The following TG variants were observed in gnomAD, a reference collection of about 807,000 sequenced individuals.
TG encodes the protein thyroglobulin, also known as thyroid hormones.
In TG, 270 loss-of-function variants were observed where a neutral mutation model predicts 324.7. That is an observed-to-expected ratio of 0.83 (90% CI 0.75 to 0.92). The LOEUF is 0.92. TG is among the 40% of genes least tolerant of loss of function. The pLI, the probability that TG is intolerant of heterozygous loss-of-function variation, is 0.00. For synonymous variants in TG, 1,401 were observed against 1,327.0 expected (o/e 1.06, Z -1.21); for missense variants, 3,591 against 3,456.4 (o/e 1.04, Z -0.98).
Position 132,961,055 on chromosome 8 carries a change from C to T in TG, c.5449C>T (p.Gln1817Ter). 6.2e-7 allele frequency: 1 copy of T among 1,614,042 alleles called. No individual in the cohort carries two copies. Among genetic ancestry groups the T allele is most frequent in the Non-Finnish European group, 8.5e-7 (1 of 1,179,950 alleles). ...TCAAGACACCTTTACCAATTTTCAG[C>T]AGGTTTATCTCTGGAAAGGTGAGCT... ...GTQDTFTNFQ[Q>*]VYLWKDSDMG... Residue 1817 changes from glutamine (Q) to a stop codon, truncating the protein, a stop_gained, in exon 28 of 48, where the codon CAG becomes TAG. Transcript: ENST00000220616. LOFTEE classifies it high-confidence loss of function.
chr8:133,060,617 C>T (rs1842231966), intron 41 of TG, among the ~76,000 whole-genome samples: 1 of 152,152 alleles, frequency 6.6e-6, no homozygotes, highest in Admixed American at 6.5e-5. Flanking sequence ...GTCTGTACAA[C>T]CAAAGGCATG....
intron 40 of TG, among the ~76,000 whole-genome samples, 164 bp from the exon 41 acceptor site, chr8:133,029,657 C>T (rs920516701): frequency 6.6e-6 from 1 of 152,250 alleles, no homozygotes; most frequent in Non-Finnish European, 1.5e-5. Flanking sequence ...CCATGCTCCT[C>T]CACTGTTCCT....
intron 35 of TG, among the ~76,000 whole-genome samples, chr8:132,990,855 C>T (rs1487665914): frequency 6.6e-6 from 1 of 151,532 alleles, no homozygotes; most frequent in Non-Finnish European, 1.5e-5. Flanking sequence ...AAGATGGTGG[C>T]TGTCGCTGCT....
At chr8:132,882,661 C>G in intron 7 of TG, 49 bp downstream of exon 7, 1 of 1,614,072 alleles carries the variant, frequency 6.2e-7, no homozygotes, top group Non-Finnish European at 8.5e-7. Context: ...AGGGGGACGC[C>G]TCTTGGGTTT....
At chr8:132,997,824 G>T (rs1833026056) in intron 35 of TG, among the ~76,000 whole-genome samples, 1 of 152,226 alleles carries the variant, frequency 6.6e-6, no homozygotes, top group Non-Finnish European at 1.5e-5. Context: ...TTAGGTCATA[G>T]ATTACTTGTG....
At chr8:132,972,823 T>C (rs1829719362) in intron 34 of TG, 82 bp downstream of exon 34, 17 of 1,560,314 alleles carry the variant, frequency 1.1e-5, no homozygotes, top group Non-Finnish European at 1.5e-5. Context: ...TATTCTTGGA[T>C]TGGTGAGTAG....
At chr8:132,979,609 G>GT (rs749159632) in intron 34 of TG, among the ~76,000 whole-genome samples, 52 of 152,146 alleles carry the variant, frequency 3.4e-4, no homozygotes, top group Non-Finnish European at 5.3e-4. Flanking sequence ...TTGGCATGCA[G>GT]TATCTCATTT....
intron 34 of TG, among the ~76,000 whole-genome samples, chr8:132,976,449 T>C (rs1419833414): frequency 6.6e-6 from 1 of 152,184 alleles, no homozygotes; most frequent in Non-Finnish European, 1.5e-5. Context: ...AATTTCAACA[T>C]GAGTTTTGGA....
intron 35 of TG, among the ~76,000 whole-genome samples, chr8:133,005,826 G>A (rs1833972611): frequency 6.6e-6 from 1 of 152,184 alleles, no homozygotes; most frequent in South Asian, 2.1e-4. Context: ...AGAGGGCTGT[G>A]TGGTCTCGCA....
At position 133,070,994 on chromosome 8, in the gene TG, TG is replaced by T. The variant is rs1179665263; in HGVS notation, c.7240-24047del. Reference sequence around the variant, plus strand: ...CACTTTCTGTCTTTAGAACCCACAGTGGGCCAATCAACTCCCCTGAGATTGT... The same window carrying T: ...CACTTTCTGTCTTTAGAACCCACAGTGGCCAATCAACTCCCCTGAGATTGT... On this transcript the variant is annotated intron_variant, in intron 41 of 47. Coordinates refer to ENST00000220616, the MANE Select transcript of TG (RefSeq NM_003235.5). Among the ~76,000 whole-genome samples the T allele has an allele frequency of 2.6e-5, 4 of 152,364 alleles. No homozygotes were observed. The East Asian group carries it at 7.7e-4, about 29-fold the overall frequency.
chr8:133,050,433 GAA>G (rs1840185318), intron 41 of TG: 2 of 247,550 alleles, frequency 8.1e-6, no homozygotes, highest in East Asian at 1.8e-4. Context: ...TAAGAGGAGA[GAA>G]GGCAAATTTT....
At position 132,935,813 on chromosome 8, in the gene TG, G is replaced by A. The variant is rs180705321; in HGVS notation, c.4990G>A (p.Val1664Met). 246 of 1,612,874 alleles carry A rather than the reference G, an allele frequency of 1.5e-4. No homozygotes were observed. The highest frequency in any genetic ancestry group is 2.0e-4 in the Non-Finnish European group (232 of 1,180,026). ...CAGCTTTGGAAGTCTTCGCTGCCAG[G>A]TGAAAGTGAGGAGCCATGGTCAAGA... ...ATSFGSLRCQ[V>M]KVRSHGQDSP... The change falls in exon 25 of 48, where the codon GTG becomes ATG. Residue 1664 changes from valine (V) to methionine (M), a missense_variant. Physicochemically the swap from Val to Met is conservative, Grantham distance 21. Coordinates refer to ENST00000220616, the MANE Select transcript of TG (RefSeq NM_003235.5).
intron 22 of TG, among the ~76,000 whole-genome samples, chr8:132,924,279 C>T (rs1002543446): frequency 1.3e-5 from 2 of 152,126 alleles, no homozygotes; most frequent in African/African-American, 4.8e-5. Flanking sequence ...AGGCGGAGCT[C>T]AGGCAGTAAT....
rs530190720 is a variant in TG, at chr8:132,972,390, A to G, written c.6056-208A>G. On this transcript the variant is annotated intron_variant, in intron 33 of 47. Coordinates refer to ENST00000220616, the MANE Select transcript of TG (RefSeq NM_003235.5). ...AGCACATGTTAGGTGCTTGATAAGT[A>G]GCTCTATCCCTTTGCTCTTAGATCA... 6 of 613,702 alleles carry G rather than the reference A, an allele frequency of 9.8e-6. No homozygotes were observed. In the Admixed American group the frequency reaches 1.2e-4, roughly 12 times the overall value. 38.0% of individuals were successfully genotyped at this position (613,702 alleles called of 1,614,324 possible).
intron 18 of TG, 71 bp downstream of exon 18, chr8:132,908,411 G>T: frequency 6.8e-7 from 1 of 1,478,068 alleles, no homozygotes; most frequent in Non-Finnish European, 9.1e-7. Flanking sequence ...AAAACCTGAG[G>T]GCTCACATTA....
chr8:132,896,633 A>G (rs1817142877), intron 11 of TG, among the ~76,000 whole-genome samples: 1 of 152,136 alleles, frequency 6.6e-6, no homozygotes, highest in African/African-American at 2.4e-5. Flanking sequence ...TGGGCCTGGT[A>G]AGACCCACAC....
intron 35 of TG, among the ~76,000 whole-genome samples, chr8:132,990,982 GC>G (rs1832257145): frequency 6.6e-6 from 1 of 151,042 alleles, no homozygotes; most frequent in South Asian, 2.1e-4. Context: ...GCAAGGGAAG[GC>G]CCAGGACTGG....
At chr8:133,017,344 A>G (rs1587771982) in intron 37 of TG, among the ~76,000 whole-genome samples, 1 of 140,472 alleles carries the variant, frequency 7.1e-6, no homozygotes, top group Admixed American at 7.6e-5. Flanking sequence ...TCTATTCTTT[A>G]CTCATCTCTC....
chr8:133,071,219 C>T (rs1377254166), intron 41 of TG, among the ~76,000 whole-genome samples: 1 of 152,216 alleles, frequency 6.6e-6, no homozygotes, highest in African/African-American at 2.4e-5. Context: ...TCCACTTGAC[C>T]TCCACAACTC....
Sources: allele counts gnomAD v4.1 joint callset (sites outside exome capture counted in the v4.1 genomes callset), GRCh38; gene constraint gnomAD v4.1.1; transcripts MANE v1.5; gene names NCBI Gene and HGNC (gene_info 2026-07-23, HGNC 2026-07-21).